Variants in SYN3 observed in about 807,000 individuals in gnomAD.
SYN3 encodes the protein synapsin III, also known as synapsin-3.
SYN3 carries 35 observed loss-of-function variants against 65.8 expected under a neutral mutation model. That is an observed-to-expected ratio of 0.53 (90% CI 0.41 to 0.70). SYN3 has a LOEUF of 0.70. Among genes scored for constraint, SYN3 ranks in the 30% least tolerant of loss-of-function variants. The pLI is 0.00. For synonymous variants in SYN3, 270 were observed against 292.9 expected, an observed-to-expected ratio of 0.92 and a Z score of 0.80; for missense variants, 680 against 749.0, an observed-to-expected ratio of 0.91 and a Z score of 1.08.
At chr22:32,675,416 G>A (rs1425577155) in intron 6 of SYN3, among the ~76,000 whole-genome samples, 2 of 152,132 alleles carry the variant, frequency 1.3e-5, no homozygotes, top group African/African-American at 2.4e-5. Context: ...GAATCAGAGT[G>A]CAGCAACCTA....
At chr22:32,549,862 C>G (rs1404119128) in intron 7 of SYN3, among the ~76,000 whole-genome samples, 1 of 147,444 alleles carries the variant, frequency 6.8e-6, no homozygotes, top group Non-Finnish European at 1.5e-5. Flanking sequence ...GTACTCCAGC[C>G]TGGGCAGCAC....
intron 1 of SYN3, among the ~76,000 whole-genome samples, chr22:33,034,717 AT>A (rs2053821236): frequency 2.6e-5 from 4 of 152,144 alleles, no homozygotes; most frequent in African/African-American, 9.7e-5. Flanking sequence ...AGCAAAAACT[AT>A]TTTTAACCCC....
At chr22:32,560,171 C>T (rs552040359) in intron 7 of SYN3, among the ~76,000 whole-genome samples, 8 of 152,366 alleles carry the variant, frequency 5.3e-5, no homozygotes, top group African/African-American at 1.7e-4. Flanking sequence ...AAAGGTCAAA[C>T]TGTGCACTTG....
Position 32,913,531 on chromosome 22 carries a change from G to C in SYN3, c.461+17859C>G, listed in dbSNP as rs532445962. On this transcript the variant is annotated intron_variant, in intron 4 of 13. Transcript: ENST00000358763. ...GGCTCCTGTGTAGAGAAGAGATTGG[G>C]GGCAGGCAGAGGAGAATGTGGGCCA... Among the ~76,000 whole-genome samples, 21 of 152,110 alleles carry C rather than the reference G, an allele frequency of 1.4e-4. No homozygotes were observed. The South Asian group carries it at 2.1e-3, about 15-fold the overall frequency.
At chr22:32,941,448 T>TA (rs1157331097) in intron 3 of SYN3, among the ~76,000 whole-genome samples, 1 of 152,214 alleles carries the variant, frequency 6.6e-6, no homozygotes, top group Non-Finnish European at 1.5e-5. Flanking sequence ...AGTGCATTTT[T>TA]AAAAATTTCT....
chr22:32,725,281 G>A (rs932476048), intron 6 of SYN3, among the ~76,000 whole-genome samples: 3 of 152,148 alleles, frequency 2.0e-5, no homozygotes, highest in Non-Finnish European at 4.4e-5. Context: ...TTTCCTGGGA[G>A]TGGGGACACA....
chr22:32,893,469 G>A (rs2049506365), intron 4 of SYN3, among the ~76,000 whole-genome samples: 1 of 152,184 alleles, frequency 6.6e-6, no homozygotes, highest in African/African-American at 2.4e-5. Flanking sequence ...AGGGGCCCAG[G>A]ATATTGTCTC....
intron 2 of SYN3, among the ~76,000 whole-genome samples, chr22:32,990,911 C>T (rs552021133): frequency 2.6e-5 from 4 of 152,068 alleles, no homozygotes; most frequent in Admixed American, 6.5e-5. Flanking sequence ...ATTGGCTGGG[C>T]GCAGTGGCTC....
At chr22:32,763,481 T>C (rs1015055054) in intron 6 of SYN3, among the ~76,000 whole-genome samples, 2 of 152,220 alleles carry the variant, frequency 1.3e-5, no homozygotes, top group Non-Finnish European at 2.9e-5. Flanking sequence ...TACTTCTTGA[T>C]GAAGTTTTAC....
At chr22:32,844,302 C>T (rs542481046) in intron 6 of SYN3, among the ~76,000 whole-genome samples, 6 of 152,284 alleles carry the variant, frequency 3.9e-5, no homozygotes, top group African/African-American at 9.6e-5. Context: ...TTTCTGGAGA[C>T]ACACCAGTAA....
chr22:32,623,509 T>C (rs535457094), intron 6 of SYN3, among the ~76,000 whole-genome samples: 16 of 152,208 alleles, frequency 1.1e-4, no homozygotes, highest in African/African-American at 3.9e-4. Flanking sequence ...TTTTTGAAAA[T>C]ATGTATTGTG....
chr22:32,576,476 G>T (rs1250944157), intron 7 of SYN3, among the ~76,000 whole-genome samples: 3 of 152,172 alleles, frequency 2.0e-5, no homozygotes, highest in Admixed American at 2.0e-4. Context: ...CACCTAGTAT[G>T]CGGTCAATAA....
chr22:32,515,924 T>C (rs5754125), intron 13 of SYN3, among the ~76,000 whole-genome samples: 124,192 of 151,996 alleles, frequency 0.82, 50,940 homozygotes, highest in East Asian at 0.92. Context: ...TCAGCCTCCC[T>C]AGCAGCTGGG....
intron 6 of SYN3, among the ~76,000 whole-genome samples, chr22:32,672,761 C>T (rs1265889870): frequency 6.6e-6 from 1 of 152,202 alleles, no homozygotes; most frequent in African/African-American, 2.4e-5. Context: ...GGGGTGGTTC[C>T]CACATTGGGA....
intron 13 of SYN3, among the ~76,000 whole-genome samples, chr22:32,516,731 G>C (rs1205328820): frequency 2.6e-5 from 4 of 152,220 alleles, no homozygotes; most frequent in African/African-American, 9.6e-5. Flanking sequence ...TTGTTAGCAT[G>C]ATCCCTGGAC....
At chr22:32,849,345 G>A in intron 6 of SYN3, 1 of 883,890 alleles carries the variant, frequency 1.1e-6, no homozygotes, top group Non-Finnish European at 1.9e-6. Context: ...TCCAAGGTAA[G>A]AGTGCAATTC....
At chr22:32,926,602 T>A (rs1173863457) in intron 4 of SYN3, among the ~76,000 whole-genome samples, 2 of 152,216 alleles carry the variant, frequency 1.3e-5, no homozygotes, top group Non-Finnish European at 2.9e-5. Context: ...AGTTGCATGG[T>A]ATATTTTTCC....
intron 6 of SYN3, among the ~76,000 whole-genome samples, chr22:32,682,069 G>GTGACAAAGTCGACAGTCTGT (rs2060530454): frequency 2.0e-5 from 3 of 152,102 alleles, no homozygotes; most frequent in African/African-American, 7.2e-5. Flanking sequence ...GGGAGATGAG[G>GTGACAAAGTCGACAGTCTGT]GGCAGCAGGG....
At chr22:32,550,515 A>G (rs955217095) in intron 7 of SYN3, among the ~76,000 whole-genome samples, 15 of 152,126 alleles carry the variant, frequency 9.9e-5, no homozygotes, top group Non-Finnish European at 1.8e-4. Flanking sequence ...TGATAATAGT[A>G]ATAATGCTAT....
Sources: gnomAD v4.1 joint callset for allele counts (sites outside exome capture counted in the v4.1 genomes callset) on GRCh38, gnomAD v4.1.1 for gene constraint, MANE v1.5 for transcripts, NCBI Gene and HGNC (gene_info 2026-07-23, HGNC 2026-07-21) for gene names.